KIF21A: variants seen among roughly 807,000 people sequenced by gnomAD.
KIF21A encodes kinesin-like protein KIF21A.
Under a neutral mutation model 202.9 loss-of-function variants are expected in KIF21A, and 114 were observed. That is an observed-to-expected ratio of 0.56 (90% CI 0.48 to 0.66). The LOEUF (loss-of-function observed/expected upper bound fraction) is 0.66. Ranked by LOEUF, KIF21A falls within the 30% of genes least tolerant of loss-of-function variation. KIF21A has a pLI of 0.00. For missense variants in KIF21A, 1,677 were observed against 1,994.9 expected (o/e 0.84, Z 3.04); for synonymous variants, 667 against 670.8 (o/e 0.99, Z 0.09).
At chr12:39,378,185 C>T (rs1332018756) in intron 1 of KIF21A, among the ~76,000 whole-genome samples, 4 of 152,256 alleles carry the variant, frequency 2.6e-5, no homozygotes, top group African/African-American at 4.8e-5. Flanking sequence ...AGCTATTGGG[C>T]CATCTTCCTC....
chr12:39,425,650 G>A (rs1954685008), intron 1 of KIF21A, among the ~76,000 whole-genome samples: 2 of 152,062 alleles, frequency 1.3e-5, no homozygotes, highest in South Asian at 4.2e-4. Context: ...ATACATGGAG[G>A]GGTTATAAGT....
rs1409522933 is a variant in KIF21A at position 39,332,619 on chromosome 12, A to G, written c.2828T>C (p.Met943Thr). Residue 943 changes from methionine to threonine, a missense_variant, in exon 20 of 38, where the codon ATG becomes ACG. Physicochemically the swap from Met to Thr is moderately conservative, Grantham distance 81 (BLOSUM62 -1). This residue lies in a region of KIF21A where 966 missense variants were observed against 1,180.9 expected (regional missense o/e 0.82). Transcript: ENST00000361418. ...IIMQKMTISN[M>T]EADMNRLLKQ... ...GAGGAGTCTATTCATATCTGCCTCC[A>G]TGTTGGAAATGGTCATCTTCTGCAT... 1 of 1,613,868 alleles carries G rather than the reference A, an allele frequency of 6.2e-7. No homozygotes were observed. The highest frequency in any genetic ancestry group is 8.5e-7 in the Non-Finnish European group (1 of 1,179,958).
At chr12:39,331,843 AG>A (rs1354504017) in intron 21 of KIF21A, 52 bp from the exon 22 acceptor site, 2 of 1,302,746 alleles carry the variant, frequency 1.5e-6, no homozygotes, top group South Asian at 2.4e-5. Context: ...TGAAAACAGA[AG>A]GCAACAGCCT....
chr12:39,347,711 G>A (rs780322671), intron 11 of KIF21A, among the ~76,000 whole-genome samples: 2 of 151,906 alleles, frequency 1.3e-5, no homozygotes, highest in Non-Finnish European at 2.9e-5. Flanking sequence ...TAATCAAATG[G>A]TCCAGTATAG....
chr12:39,297,590 G>T (rs1942516389), intron 37 of KIF21A, among the ~76,000 whole-genome samples: 1 of 146,142 alleles, frequency 6.8e-6, no homozygotes, highest in Non-Finnish European at 1.5e-5. Context: ...ACTGTTGTGG[G>T]GTGGGGGGGT....
At chr12:39,323,226 G>T (rs1362580974) in intron 26 of KIF21A, among the ~76,000 whole-genome samples, 2 of 152,016 alleles carry the variant, frequency 1.3e-5, no homozygotes, top group Non-Finnish European at 2.9e-5. Flanking sequence ...CATATACCTA[G>T]TAAGTGGCAA....
chr12:39,368,718 T>C (rs1312770448), intron 3 of KIF21A, among the ~76,000 whole-genome samples: 20 of 151,768 alleles, frequency 1.3e-4, no homozygotes, highest in Admixed American at 1.3e-3. Flanking sequence ...TAAATAAGGA[T>C]ATCCATTAAA....
chr12:39,427,640 A>C (rs1954871484), intron 1 of KIF21A, among the ~76,000 whole-genome samples: 1 of 152,210 alleles, frequency 6.6e-6, no homozygotes, highest in Non-Finnish European at 1.5e-5. Context: ...CACAAACCAC[A>C]AAGATGACTG....
chr12:39,398,115 A>G (rs1372444415), intron 1 of KIF21A, among the ~76,000 whole-genome samples: 2 of 152,254 alleles, frequency 1.3e-5, no homozygotes, highest in Non-Finnish European at 2.9e-5. Context: ...CTTATTATCT[A>G]TGGTACAACA....
intron 7 of KIF21A, among the ~76,000 whole-genome samples, chr12:39,362,770 A>G (rs1323573796): frequency 6.6e-6 from 1 of 152,180 alleles, no homozygotes; most frequent in African/African-American, 2.4e-5. Context: ...TAAGTACTTA[A>G]AACAGAAGCT....
chr12:39,318,795 A>G (rs1264633539), intron 28 of KIF21A, among the ~76,000 whole-genome samples: 3 of 152,166 alleles, frequency 2.0e-5, no homozygotes, highest in Non-Finnish European at 4.4e-5. Context: ...CCTGGCTAAC[A>G]TGGTGAAACC....
At chr12:39,301,325 T>C (rs763855139) in intron 37 of KIF21A, among the ~76,000 whole-genome samples, 155 bp downstream of exon 37, 3 of 152,196 alleles carry the variant, frequency 2.0e-5, no homozygotes, top group Non-Finnish European at 4.4e-5. Context: ...TGCCCACATG[T>C]ACATCAGAAA....
chr12:39,302,567 T>C (rs925102106), intron 36 of KIF21A, among the ~76,000 whole-genome samples: 3 of 152,190 alleles, frequency 2.0e-5, no homozygotes, highest in African/African-American at 7.2e-5. Flanking sequence ...AAAATGCTCT[T>C]ACAGATAAGG....
chr12:39,371,782 T>G (rs995824888), intron 1 of KIF21A, among the ~76,000 whole-genome samples: 1 of 151,728 alleles, frequency 6.6e-6, no homozygotes, highest in African/African-American at 2.4e-5. Context: ...ATAGAAAAAT[T>G]AGCCCAACAT....
At chr12:39,339,903 G>T (rs1947305982) in intron 16 of KIF21A, among the ~76,000 whole-genome samples, 1 of 152,128 alleles carries the variant, frequency 6.6e-6, no homozygotes, top group Non-Finnish European at 1.5e-5. Context: ...TGTTAAGCTT[G>T]CATAAGAGTT....
intron 27 of KIF21A, chr12:39,321,926 A>T (rs954447189): frequency 6.6e-6 from 1 of 152,168 alleles, no homozygotes; most frequent in African/African-American, 2.4e-5. Flanking sequence ...ACACATGCAC[A>T]CATGGTACAC....
Position 39,311,364 on chromosome 12 carries a change from ATTT to A in KIF21A, c.4096+50_4096+52del, listed in dbSNP as rs371698345. On this transcript the variant is annotated intron_variant, in intron 32 of 37. Transcript: ENST00000361418. ...TTTTCTAGAATATGTTAAAAATGTAATTTTTTTTAAAAAAAAAGCTATTAAATA... is the reference window on the plus strand; with the variant it reads ...TTTTCTAGAATATGTTAAAAATGTAATTTTTAAAAAAAAAGCTATTAAATA... 2.8e-3 allele frequency: 4,218 copies of A among 1,485,494 alleles called. 61 individuals are homozygous for A. In the African/African-American group the frequency reaches 0.05, roughly 18 times the overall value. 92.0% of individuals were successfully genotyped at this position (1,485,494 alleles called of 1,614,324 possible).
chr12:39,345,546 G>A lies in KIF21A; in HGVS notation c.1712+920C>T, dbSNP rs574829409. 8.6e-5 allele frequency among the ~76,000 whole-genome samples: 13 copies of A among 151,664 alleles called. No individual in the cohort carries two copies. The South Asian group carries it at 2.7e-3, about 32-fold the overall frequency. On this transcript the variant is annotated intron_variant, in intron 12 of 37. Transcript: ENST00000361418. The stretch of plus-strand genomic sequence containing the variant: ...GGTAATTTAAAGAAAAACATTTTAA[G>A]CTTTAAGATATTTAAAGTAAGATAT...
chr12:39,294,546 T>G lies in KIF21A; in HGVS notation c.4932-29A>C, dbSNP rs370330016. 3 of 1,501,642 alleles carry G rather than the reference T, an allele frequency of 2.0e-6. No individual in the cohort carries two copies. In the African/African-American group the frequency reaches 4.1e-5, roughly 21 times the overall value. The allele number at this position is 1,501,642 out of a possible 1,614,324, so 93.0% of individuals were successfully genotyped here. ...CAAAAAAATAAACAAAACATGGATATATGAACAAGGGCAGAAAGATAAAGA... is the reference window on the plus strand; with the variant it reads ...CAAAAAAATAAACAAAACATGGATAGATGAACAAGGGCAGAAAGATAAAGA... On this transcript the variant is annotated intron_variant, in intron 37 of 37. Transcript: ENST00000361418.
Sources: allele counts gnomAD v4.1 joint callset (sites outside exome capture counted in the v4.1 genomes callset), GRCh38; gene constraint gnomAD v4.1.1; regional missense constraint gnomAD v4.1.1; transcripts MANE v1.5; gene names NCBI Gene and HGNC (gene_info 2026-07-23, HGNC 2026-07-21).